SLCO3A1: variants seen among roughly 807,000 people sequenced by gnomAD.
SLCO3A1 encodes the protein PGE1 transporter.
SLCO3A1 carries 27 observed loss-of-function variants against 63.1 expected under a neutral mutation model. The observed-to-expected ratio is 0.43, with a 90% CI of 0.32 to 0.59. The LOEUF is 0.59. Ranked by LOEUF, SLCO3A1 falls within the 20% of genes least tolerant of loss-of-function variation. The pLI, the probability that SLCO3A1 is intolerant of heterozygous loss-of-function variation, is 0.09. For missense variants in SLCO3A1, 773 were observed against 945.8 expected, an observed-to-expected ratio of 0.82 and a Z score of 2.40; for synonymous variants, 473 against 409.9, an observed-to-expected ratio of 1.15 and a Z score of -1.86.
intron 2 of SLCO3A1, among the ~76,000 whole-genome samples, chr15:91,959,037 G>C (rs1054152711): frequency 6.6e-6 from 1 of 152,260 alleles, no homozygotes; most frequent in Non-Finnish European, 1.5e-5. Context: ...CCTCAACCAA[G>C]GAGTGGATAA....
intron 2 of SLCO3A1, among the ~76,000 whole-genome samples, chr15:91,920,554 A>T (rs190816882): frequency 6.6e-6 from 1 of 152,294 alleles, no homozygotes; most frequent in East Asian, 1.9e-4. Flanking sequence ...TAGTGCTTTG[A>T]GCTGAGATGG....
chr15:92,096,566 G>T (rs1175595954), intron 3 of SLCO3A1, among the ~76,000 whole-genome samples: 2 of 152,168 alleles, frequency 1.3e-5, no homozygotes, highest in African/African-American at 4.8e-5. Context: ...AAAACAGAGG[G>T]TGAGAAGCCA....
intron 7 of SLCO3A1, among the ~76,000 whole-genome samples, chr15:92,145,147 G>T (rs1165801692): frequency 1.3e-5 from 2 of 152,196 alleles, no homozygotes; most frequent in East Asian, 3.9e-4. Flanking sequence ...GTGGGCCTGG[G>T]ATATGGAGCC....
At chr15:91,933,451 A>G (rs997094086) in intron 2 of SLCO3A1, among the ~76,000 whole-genome samples, 5 of 152,162 alleles carry the variant, frequency 3.3e-5, no homozygotes, top group Non-Finnish European at 5.9e-5. Flanking sequence ...GACCAAATAC[A>G]TTTATATATT....
intron 5 of SLCO3A1, among the ~76,000 whole-genome samples, chr15:92,122,545 G>A (rs1400859436): frequency 1.3e-5 from 2 of 152,204 alleles, no homozygotes; most frequent in Admixed American, 6.5e-5. Flanking sequence ...CGCATACTTG[G>A]CCAGTGGGAA....
chr15:92,000,559 A>G (rs754992365), intron 2 of SLCO3A1, among the ~76,000 whole-genome samples: 1 of 152,166 alleles, frequency 6.6e-6, no homozygotes, highest in Admixed American at 6.5e-5. Flanking sequence ...GAATCAAAAT[A>G]ATAAGAGACC....
intron 1 of SLCO3A1, among the ~76,000 whole-genome samples, chr15:91,880,152 TCCATCCATCCATCCATCC>T (rs1897526866): frequency 6.7e-6 from 1 of 150,310 alleles, no homozygotes; most frequent in African/African-American, 2.5e-5. Flanking sequence ...CATCCATCCA[TCCATCCATCCATCCATCC>T]ATCTATCTAT....
chr15:91,892,938 G>A (rs1897906994), intron 1 of SLCO3A1, among the ~76,000 whole-genome samples: 1 of 152,232 alleles, frequency 6.6e-6, no homozygotes, highest in South Asian at 2.1e-4. Flanking sequence ...CATAGCAGGT[G>A]CTATGACAAT....
At chr15:92,069,489 A>G (rs2047190933) in intron 2 of SLCO3A1, among the ~76,000 whole-genome samples, 1 of 152,230 alleles carries the variant, frequency 6.6e-6, no homozygotes, top group South Asian at 2.1e-4. Context: ...AAACAGCCAG[A>G]GAAAGAAGGC....
Position 91,900,903 on chromosome 15 carries a change from A to G in SLCO3A1, c.181-15090A>G, listed in dbSNP as rs1480074344. ...GATTTTCTGTCTCATTGTTTTATCA[A>G]TTATTGAGAGGGATATTAACTTCTC... On this transcript the variant is annotated intron_variant, in intron 1 of 9. Coordinates refer to ENST00000318445, the MANE Select transcript of SLCO3A1 (RefSeq NM_013272.4). This position sits in a 1 kb window ranked among gnomAD's most constrained non-coding sequence, Gnocchi z 4.3. Among the ~76,000 whole-genome samples, 9 of 152,170 alleles carry G rather than the reference A, an allele frequency of 5.9e-5. No individual in the cohort carries two copies. The highest frequency in any genetic ancestry group is 1.2e-4 in the African/African-American group (5 of 41,440).
At chr15:92,086,487 T>C (rs2047406005) in intron 2 of SLCO3A1, among the ~76,000 whole-genome samples, 1 of 152,206 alleles carries the variant, frequency 6.6e-6, no homozygotes, top group South Asian at 2.1e-4. Flanking sequence ...ATAGTAGTTT[T>C]TATATAGTCT....
At chr15:92,098,850 C>T (rs2047570816) in intron 3 of SLCO3A1, among the ~76,000 whole-genome samples, 1 of 152,234 alleles carries the variant, frequency 6.6e-6, no homozygotes, top group East Asian at 1.9e-4. Context: ...GTTACTCATG[C>T]AAAGCATTTA....
At chr15:91,981,830 A>G (rs2045991219) in intron 2 of SLCO3A1, among the ~76,000 whole-genome samples, 1 of 152,236 alleles carries the variant, frequency 6.6e-6, no homozygotes, top group East Asian at 1.9e-4. Context: ...CTCCCTGAGA[A>G]CAGACACAGT....
chr15:91,877,294 C>T (rs1897423013), intron 1 of SLCO3A1, among the ~76,000 whole-genome samples: 1 of 152,124 alleles, frequency 6.6e-6, no homozygotes, highest in Admixed American at 6.5e-5. Flanking sequence ...ATTTTGATAT[C>T]AGACCTCCCT....
At chr15:91,990,650 GA>G (rs74612884) in intron 2 of SLCO3A1, among the ~76,000 whole-genome samples, 16,835 of 144,240 alleles carry the variant, frequency 0.12, 989 homozygotes, top group East Asian at 0.27. Flanking sequence ...TCAGCCTCAA[GA>G]AAAAAAAAAA....
At chr15:91,861,809 TG>T (rs917255158) in intron 1 of SLCO3A1, among the ~76,000 whole-genome samples, 2 of 151,628 alleles carry the variant, frequency 1.3e-5, no homozygotes, top group African/African-American at 4.9e-5. Context: ...TTTTTTTTTT[TG>T]GTAGAGATGG....
At chr15:92,084,678 T>G (rs546545193) in intron 2 of SLCO3A1, among the ~76,000 whole-genome samples, 1 of 152,342 alleles carries the variant, frequency 6.6e-6, no homozygotes, top group African/African-American at 2.4e-5. Context: ...AAAGAGTTTA[T>G]GCCAGCAGGT....
At chr15:91,911,890 G>A (rs147954509) in intron 1 of SLCO3A1, among the ~76,000 whole-genome samples, 1 of 152,076 alleles carries the variant, frequency 6.6e-6, no homozygotes, top group Non-Finnish European at 1.5e-5. Context: ...CTCCCAAAGT[G>A]CTGGGATTAC....
At chr15:92,039,393 C>CA (rs1002002459) in intron 2 of SLCO3A1, among the ~76,000 whole-genome samples, 1 of 152,064 alleles carries the variant, frequency 6.6e-6, no homozygotes, top group African/African-American at 2.4e-5. Flanking sequence ...AAGAACCCAT[C>CA]AAAAAGTGGG....
Sources: gnomAD v4.1 joint callset for allele counts (sites outside exome capture counted in the v4.1 genomes callset) on GRCh38, gnomAD v4.1.1 for gene constraint, Gnocchi (gnomAD v3.1) non-coding constraint, MANE v1.5 for transcripts, NCBI Gene and HGNC (gene_info 2026-07-23, HGNC 2026-07-21) for gene names.